EPS8L2: variants seen among roughly 807,000 people sequenced by gnomAD.
EPS8L2 encodes the protein epidermal growth factor receptor kinase substrate 8-like protein 2.
A neutral mutation model predicts 99.4 loss-of-function variants in EPS8L2; 81 were observed. The ratio of observed to expected loss-of-function variants is 0.82; its 90% CI spans 0.68 to 0.98. The LOEUF (loss-of-function observed/expected upper bound fraction) is 0.98. EPS8L2 is among the 50% of genes least tolerant of loss of function. The pLI is 0.00. For synonymous variants in EPS8L2, 509 were observed against 407.3 expected (o/e 1.25, Z -3.01); for missense variants, 1,155 against 968.8 (o/e 1.19, Z -2.55).
intron 1 of EPS8L2, among the ~76,000 whole-genome samples, chr11:708,029 C>T (rs566381519): frequency 5.3e-5 from 8 of 152,296 alleles, no homozygotes; most frequent in Admixed American, 3.3e-4. Context: ...GCAGTGCCCC[C>T]GGGCCTCCCA....
At chr11:725,443 C>T (rs1862286888) in intron 16 of EPS8L2, among the ~76,000 whole-genome samples, 1 of 152,100 alleles carries the variant, frequency 6.6e-6, no homozygotes, top group Non-Finnish European at 1.5e-5. Context: ...CCCAGGAGGT[C>T]GAGGCTGCAG....
In EPS8L2 at chr11:726,081, GC is replaced by G; in HGVS notation, c.1681-11del. On this transcript the variant is annotated splice_polypyrimidine_tract_variant and intron_variant, in intron 17 of 20. Transcript: ENST00000318562. ...GGGGCGGGGCGTGGGGAGCCTAATC[GC>G]CCCCCGCCCCCGCAGGCCGGTCAGA... 7 of 1,516,700 alleles carry G rather than the reference GC, an allele frequency of 4.6e-6. No homozygotes were observed. Among genetic ancestry groups the G allele is most frequent in the African/African-American group, 1.4e-5 (1 of 72,550 alleles). The allele number at this position is 1,516,700 out of a possible 1,614,324, so 94.0% of individuals were successfully genotyped here.
At chr11:723,074 C>T (rs1398787676) in intron 14 of EPS8L2, among the ~76,000 whole-genome samples, 167 bp from the exon 15 acceptor site, 4 of 135,148 alleles carry the variant, frequency 3.0e-5, no homozygotes, top group African/African-American at 6.0e-5. Flanking sequence ...CTGCCCCTAG[C>T]CCCTGCCAGG....
At chr11:712,931 C>T (rs1455562597) in intron 4 of EPS8L2, among the ~76,000 whole-genome samples, 1 of 152,252 alleles carries the variant, frequency 6.6e-6, no homozygotes, top group Admixed American at 6.5e-5. Context: ...TTCTCAGGGA[C>T]TCTGCCCTCT....
chr11:724,468 G>A lies in EPS8L2; in HGVS notation c.1455-256G>A. The stretch of plus-strand genomic sequence containing the variant: ...CCCTGAGGTGGCCTGGGATGGGCCA[G>A]CCTTGCTGTACCACAGGCCCCTGCG... On this transcript the variant is annotated intron_variant, in intron 15 of 20. Transcript: ENST00000318562. This position sits in a 1 kb window ranked among gnomAD's most constrained non-coding sequence, Gnocchi z 5.5. 1.9e-6 allele frequency: 1 copy of A among 519,698 alleles called. No homozygotes were observed. Among genetic ancestry groups the A allele is most frequent in the Non-Finnish European group, 3.5e-6 (1 of 286,560 alleles). The allele number at this position is 519,698 out of a possible 1,614,324, so 32.2% of individuals were successfully genotyped here.
At chr11:725,489 C>T (rs1012670749) in intron 16 of EPS8L2, among the ~76,000 whole-genome samples, 2 of 152,080 alleles carry the variant, frequency 1.3e-5, no homozygotes, top group African/African-American at 4.8e-5. Flanking sequence ...CCAGCCTGGG[C>T]GGCAGAGTGA....
rs1862126855 is a variant in EPS8L2 at position 720,485 on chromosome 11, C to T, written c.328-112C>T. 18 of 1,495,212 alleles carry T rather than the reference C, an allele frequency of 1.2e-5. No individual in the cohort carries two copies. The East Asian group carries it at 4.4e-4, about 37-fold the overall frequency. 92.6% of individuals were successfully genotyped at this position (1,495,212 alleles called of 1,614,324 possible). On this transcript the variant is annotated intron_variant, in intron 5 of 20. Transcript: ENST00000318562. ...TAGTCCTCATCTTTGGGAGCCCATTCCCCAGCGGCGCCAGAGGGGCCTGTG... is the reference window on the plus strand; with the variant it reads ...TAGTCCTCATCTTTGGGAGCCCATTTCCCAGCGGCGCCAGAGGGGCCTGTG...
chr11:719,952 C>T, intron 4 of EPS8L2, 110 bp from the exon 5 acceptor site: 1 of 1,110,770 alleles, frequency 9.0e-7, no homozygotes, highest in Non-Finnish European at 1.3e-6. Context: ...TTCTAGCCCC[C>T]TACCCAGGGT....
intron 4 of EPS8L2, among the ~76,000 whole-genome samples, chr11:714,212 T>C (rs1252047370): frequency 6.6e-6 from 1 of 150,934 alleles, no homozygotes; most frequent in African/African-American, 2.4e-5. Flanking sequence ...GAAGTTCCTG[T>C]GTTTTCTTTT....
chr11:717,372 T>C lies in EPS8L2; in HGVS notation c.166-2690T>C, dbSNP rs377567434. On this transcript the variant is annotated intron_variant, in intron 4 of 20. Coordinates refer to ENST00000318562, the MANE Select transcript of EPS8L2 (RefSeq NM_022772.4). ...CTTTATTATTACAAATAGTTCTGCATTGAGCAGCCTGGTACCGATGCCACA... is the reference window on the plus strand; with the variant it reads ...CTTTATTATTACAAATAGTTCTGCACTGAGCAGCCTGGTACCGATGCCACA... 2.6e-5 allele frequency among the ~76,000 whole-genome samples: 4 copies of C among 152,214 alleles called. No homozygotes were observed. The South Asian group carries it at 6.2e-4, about 24-fold the overall frequency.
chr11:719,522 C>T (rs965737269), intron 4 of EPS8L2, among the ~76,000 whole-genome samples: 7 of 152,350 alleles, frequency 4.6e-5, no homozygotes, highest in East Asian at 1.9e-4. Context: ...ACACACTTGT[C>T]GAGGGTCCTC....
chr11:725,612 G>A, intron 16 of EPS8L2, 116 bp from the exon 17 acceptor site: 1 of 1,006,808 alleles, frequency 9.9e-7, no homozygotes, highest in East Asian at 3.3e-5. Flanking sequence ...AGAATGGAGC[G>A]AAGCGGGGCT....
intron 10 of EPS8L2, 67 bp from the exon 11 acceptor site, chr11:721,836 G>C (rs1405977017): frequency 6.5e-7 from 1 of 1,533,334 alleles, no homozygotes; most frequent in Admixed American, 1.9e-5. Context: ...TGGGCTGCGT[G>C]GGACAGAAGG....
At chr11:723,563 C>T (rs1862246379) in intron 15 of EPS8L2, among the ~76,000 whole-genome samples, 1 of 152,232 alleles carries the variant, frequency 6.6e-6, no homozygotes, top group South Asian at 2.1e-4. Flanking sequence ...AAATTCTCTA[C>T]CCTAATATAT....
rs138277885 is a variant in EPS8L2, at chr11:710,444, C to A, written c.123C>A (p.Asn41Lys). 14 of 1,613,586 alleles carry A rather than the reference C, an allele frequency of 8.7e-6. No homozygotes were observed. The highest frequency in any genetic ancestry group is 1.2e-5 in the Non-Finnish European group (14 of 1,179,964). Residue 41 changes from asparagine to lysine, a missense_variant, in exon 4 of 21, where the codon AAC becomes AAA. Physicochemically the swap from Asn to Lys is moderately conservative, Grantham distance 94. Transcript: ENST00000318562. Reference protein sequence around the residue: ...DLFEQRKKYSNSNVIMHETSQ... With the variant: ...DLFEQRKKYSKSNVIMHETSQ... Reference sequence around the variant, plus strand: ...CAGAGCAGAGGAAGAAGTATTCCAACTCCAACGTCATCATGCACGAGACCT... The same window carrying A: ...CAGAGCAGAGGAAGAAGTATTCCAAATCCAACGTCATCATGCACGAGACCT...
chr11:714,162 G>T lies in EPS8L2; in HGVS notation c.165+3676G>T, dbSNP rs114716424. 8.9e-3 allele frequency among the ~76,000 whole-genome samples: 1,351 copies of T among 152,058 alleles called. 17 individuals are homozygous for T. Among genetic ancestry groups the T allele is most frequent in the African/African-American group, 0.031 (1,288 of 41,508 alleles). On this transcript the variant is annotated intron_variant, in intron 4 of 20. Coordinates refer to ENST00000318562, the MANE Select transcript of EPS8L2 (RefSeq NM_022772.4). Reference sequence around the variant, plus strand: ...GACCAAATTTCTGGAGATTTCTTCCGTGTTTTCTTTTATTTTTTGTAAATT... The same window carrying T: ...GACCAAATTTCTGGAGATTTCTTCCTTGTTTTCTTTTATTTTTTGTAAATT...
intron 20 of EPS8L2, 64 bp downstream of exon 20, chr11:726,815 G>T: frequency 6.3e-7 from 1 of 1,581,298 alleles, no homozygotes; most frequent in Non-Finnish European, 8.6e-7. Flanking sequence ...TCCCCCGCCC[G>T]TTCCTGGGGT....
At chr11:715,586 G>C (rs1861999613) in intron 4 of EPS8L2, among the ~76,000 whole-genome samples, 1 of 142,800 alleles carries the variant, frequency 7.0e-6, no homozygotes, top group Non-Finnish European at 1.5e-5. Flanking sequence ...CTTACTGTGG[G>C]TTTTATTTGA....
chr11:724,766 C>T lies in EPS8L2; in HGVS notation c.1497C>T (p.Ile499=), dbSNP rs1305293912. 6.2e-7 allele frequency: 1 copy of T among 1,613,648 alleles called. No individual in the cohort carries two copies. The highest frequency in any genetic ancestry group is 1.7e-5 in the Admixed American group (1 of 60,016). Residue 499 remains isoleucine (I), a synonymous_variant, in exon 16 of 21, where the codon ATC becomes ATT. Transcript: ENST00000318562. This position sits in a 1 kb window ranked among gnomAD's most constrained non-coding sequence, Gnocchi z 5.5. ...PTPAMAKYVK[I]LYDFTARNAN... ...CAGCCATGGCCAAGTACGTCAAGAT[C>T]CTGTATGACTTCACAGCCCGAAATG...
Sources: allele counts gnomAD v4.1 joint callset (sites outside exome capture counted in the v4.1 genomes callset), GRCh38; gene constraint gnomAD v4.1.1; non-coding constraint Gnocchi (gnomAD v3.1); transcripts MANE v1.5; gene names NCBI Gene and HGNC (gene_info 2026-07-23, HGNC 2026-07-21).